Variants in EWSR1 observed in about 807,000 individuals in gnomAD.
EWSR1 encodes RNA-binding protein EWS.
Under a neutral mutation model 92.1 loss-of-function variants are expected in EWSR1, and 14 were observed. The ratio of observed to expected loss-of-function variants is 0.15; its 90% CI spans 0.10 to 0.24. The LOEUF is 0.24. EWSR1 is among the 10% of genes least tolerant of loss of function. The pLI is 1.00. For missense variants in EWSR1, 637 were observed against 870.9 expected (o/e 0.73, Z 3.38); for synonymous variants, 303 against 292.9 (o/e 1.03, Z -0.35).
chr22:29,272,305 A>G lies in EWSR1; in HGVS notation c.50+53A>G, dbSNP rs556889251. The G allele has an allele frequency of 8.1e-6, 13 of 1,611,522 alleles. No individual in the cohort carries two copies. The South Asian group carries it at 8.8e-5, about 11-fold the overall frequency. ...TGTGTGTGATTAATATTTTTTGAAT[A>G]TGGAGCCTTCTATAATTGTAGAGGT... is the stretch of plus-strand genomic sequence containing the variant. On this transcript the variant is annotated intron_variant, in intron 2 of 16. Coordinates refer to ENST00000397938, the MANE Select transcript of EWSR1 (RefSeq NM_005243.4).
chr22:29,298,758 G>A lies in EWSR1; in HGVS notation c.1443G>A (p.Gly481=). The A allele has an allele frequency of 1.2e-6, 2 of 1,613,730 alleles. No individual in the cohort carries two copies. Among genetic ancestry groups the A allele is most frequent in the Non-Finnish European group, 1.7e-6 (2 of 1,179,956 alleles). The change falls in exon 14 of 17, where the codon GGG becomes GGA. Residue 481 remains glycine (G), a synonymous_variant. Coordinates refer to ENST00000397938, the MANE Select transcript of EWSR1 (RefSeq NM_005243.4). Reference sequence around the variant, plus strand: ...GTCCAGGAGGCCCAGGAGGTCCTGGGGGACCCATGGGTCGCATGGGAGGCC... The same window carrying A: ...GTCCAGGAGGCCCAGGAGGTCCTGGAGGACCCATGGGTCGCATGGGAGGCC... ...RGGPGGPGGP[G]GPMGRMGGRG...
At chr22:29,291,436 T>TGA (rs2060434482) in intron 8 of EWSR1, 126 bp from the exon 9 acceptor site, 4 of 843,424 alleles carry the variant, frequency 4.7e-6, no homozygotes, top group South Asian at 1.9e-5. Flanking sequence ...AGTGACAAGA[T>TGA]GAGAGAGATG....
At chr22:29,292,817 T>G (rs1602494225) in intron 11 of EWSR1, among the ~76,000 whole-genome samples, 1 of 144,224 alleles carries the variant, frequency 6.9e-6, no homozygotes, top group Admixed American at 7.6e-5. Flanking sequence ...CAGGCTGGAG[T>G]GCAATGGCGC....
rs1306857273 is a variant in EWSR1, at chr22:29,297,951, T to TA, written c.1417+3dup. 1.2e-6 allele frequency: 2 copies of TA among 1,610,886 alleles called. No homozygotes were observed. Among genetic ancestry groups the TA allele is most frequent in the African/African-American group, 2.7e-5 (2 of 74,610 alleles). On this transcript the variant is annotated splice_region_variant and intron_variant, in intron 13 of 16. Coordinates refer to ENST00000397938, the MANE Select transcript of EWSR1 (RefSeq NM_005243.4). ...GCATGCCACCACCACTCCGTGGAGG[T>TA]ACTTTTTCTGAGCTCCTATGTTGCA... is the stretch of plus-strand genomic sequence containing the variant.
At chr22:29,286,871 A>T (rs967298452) in intron 6 of EWSR1, 52 bp from the exon 7 acceptor site, 2 of 1,419,906 alleles carry the variant, frequency 1.4e-6, no homozygotes, top group African/African-American at 2.8e-5. Flanking sequence ...ATTTGAAATA[A>T]CAAGCCTCTT....
At chr22:29,271,715 C>G (rs1409954969) in intron 1 of EWSR1, among the ~76,000 whole-genome samples, 1 of 152,140 alleles carries the variant, frequency 6.6e-6, no homozygotes, top group African/African-American at 2.4e-5. Context: ...TGTCGTTGAG[C>G]TAGGGAATGA....
intron 11 of EWSR1, among the ~76,000 whole-genome samples, chr22:29,293,017 GCTGGGATTA>G (rs764062982): frequency 6.6e-6 from 1 of 151,990 alleles, no homozygotes; most frequent in Non-Finnish European, 1.5e-5. Flanking sequence ...CTCCCAAAGT[GCTGGGATTA>G]CAGGTGTGAT....
At chr22:29,279,488 A>G (rs2059394533) in intron 5 of EWSR1, among the ~76,000 whole-genome samples, 1 of 152,246 alleles carries the variant, frequency 6.6e-6, no homozygotes, top group Non-Finnish European at 1.5e-5. Flanking sequence ...GGATGAGCAG[A>G]GCTCATACCC....
Position 29,296,340 on chromosome 22 carries a change from T to C in EWSR1, c.1266T>C (p.Thr422=), listed in dbSNP as rs571122134. Residue 422 remains threonine, a synonymous_variant, in exon 12 of 17, where the codon ACT becomes ACC. Coordinates refer to ENST00000397938, the MANE Select transcript of EWSR1 (RefSeq NM_005243.4). ...CAGTGTCCTATGAAGACCCACCCAC[T>C]GCCAAGGCTGCCGTGGAATGGTTTG... ...DATVSYEDPP[T]AKAAVEWFDG... 1 of 1,614,164 alleles carries C rather than the reference T, an allele frequency of 6.2e-7. No individual in the cohort carries two copies. Among genetic ancestry groups the C allele is most frequent in the Non-Finnish European group, 8.5e-7 (1 of 1,179,996 alleles).
At chr22:29,272,588 TCCATTGTGCCATCATAAATGAAA>T (rs1328768035) in intron 3 of EWSR1, among the ~76,000 whole-genome samples, 157 bp downstream of exon 3, 1 of 152,228 alleles carries the variant, frequency 6.6e-6, no homozygotes, top group African/African-American at 2.4e-5. Context: ...TGCGAAGGAC[TCCATTGTGCCATCATAAATGAAA>T]CCATTCAGAA....
chr22:29,296,407 A>G (rs2060863831), intron 12 of EWSR1, 39 bp downstream of exon 12: 3 of 1,610,074 alleles, frequency 1.9e-6, no homozygotes, highest in East Asian at 2.2e-5. Flanking sequence ...CTCCCTGGCT[A>G]TAGAATATGG....
At position 29,297,902 on chromosome 22, in the gene EWSR1, G is replaced by T; in HGVS notation, c.1370G>T (p.Gly457Val). Residue 457 changes from glycine (G) to valine (V), a missense_variant, in exon 13 of 17, where the codon GGT becomes GTT. Gly to Val is a moderately radical substitution (Grantham distance 109, BLOSUM62 -3). Transcript: ENST00000397938. ...KKPPMNSMRGGLPPREGRGMP... is the reference protein window; with the variant it reads ...KKPPMNSMRGVLPPREGRGMP... The stretch of plus-strand genomic sequence containing the variant: ...CCTCCAATGAACAGTATGCGGGGTG[G>T]TCTGCCACCCCGTGAGGGCAGAGGC... The T allele has an allele frequency of 6.2e-7, 1 of 1,614,016 alleles. No individual in the cohort carries two copies. Among genetic ancestry groups the T allele is most frequent in the South Asian group, 1.1e-5 (1 of 91,078 alleles).
At chr22:29,299,889 A>G (rs373987374) in intron 16 of EWSR1, 38 bp downstream of exon 16, 6 of 1,532,590 alleles carry the variant, frequency 3.9e-6, no homozygotes, top group Non-Finnish European at 5.3e-6. Flanking sequence ...GCCGCCAGGC[A>G]CAGTAAGAGG....
chr22:29,298,017 G>A (rs2061002498), intron 13 of EWSR1, 68 bp downstream of exon 13: 14 of 1,464,514 alleles, frequency 9.6e-6, no homozygotes, highest in Non-Finnish European at 1.3e-5. Flanking sequence ...TGAGAAACTT[G>A]ATTATTAGAG....
chr22:29,283,762 G>T (rs2059802210), intron 6 of EWSR1, among the ~76,000 whole-genome samples: 1 of 150,762 alleles, frequency 6.6e-6, no homozygotes, highest in Non-Finnish European at 1.5e-5. Context: ...TGGAATTCCT[G>T]ACCTCAGGTG....
chr22:29,299,267 A>G lies in EWSR1; in HGVS notation c.1614A>G (p.Thr538=), dbSNP rs374886351. The change falls in exon 15 of 17, where the codon ACA becomes ACG. Residue 538 remains threonine, a synonymous_variant. Transcript: ENST00000397938. The part of the protein sequence containing the change: ...GCGNQNFAWR[T]ECNQCKAPKP... ...GAAACCAGAACTTCGCCTGGAGAACAGAGTGCAACCAGTGTAAGGCCCCAA... is the reference window on the plus strand; with the variant it reads ...GAAACCAGAACTTCGCCTGGAGAACGGAGTGCAACCAGTGTAAGGCCCCAA... 21 of 1,613,958 alleles carry G rather than the reference A, an allele frequency of 1.3e-5. No individual in the cohort carries two copies. The highest frequency in any genetic ancestry group is 1.7e-5 in the Non-Finnish European group (20 of 1,179,970).
At chr22:29,274,290 T>G in intron 4 of EWSR1, 1 of 1,613,746 alleles carries the variant, frequency 6.2e-7, no homozygotes, top group South Asian at 1.1e-5. Context: ...CAGGTTTGAC[T>G]ATCCTGCTCA....
chr22:29,298,015 TTGA>T, intron 13 of EWSR1, 66 bp downstream of exon 13: 4 of 1,486,966 alleles, frequency 2.7e-6, no homozygotes, highest in Non-Finnish European at 2.7e-6. Context: ...CTTGAGAAAC[TTGA>T]TTATTAGAGT....
intron 8 of EWSR1, chr22:29,290,348 A>G (rs2060358081): frequency 2.6e-6 from 4 of 1,510,370 alleles, no homozygotes; most frequent in African/African-American, 1.4e-5. Flanking sequence ...CAGTATTTTG[A>G]TATTTTCATT....
Sources: allele counts gnomAD v4.1 joint callset (sites outside exome capture counted in the v4.1 genomes callset), GRCh38; gene constraint gnomAD v4.1.1; transcripts MANE v1.5; gene names NCBI Gene and HGNC (gene_info 2026-07-23, HGNC 2026-07-21).